LYRM4: variants seen among roughly 807,000 people sequenced by gnomAD.
LYRM4 encodes the protein LYR motif-containing protein 4.
In LYRM4, 9 loss-of-function variants were observed where a neutral mutation model predicts 11.7. That is an observed-to-expected ratio of 0.77 (90% CI 0.46 to 1.34). LYRM4 has a LOEUF of 1.34. LYRM4 is among the 40% of genes most tolerant of loss of function. The pLI is 0.00. For synonymous variants in LYRM4, 42 were observed against 40.4 expected, an observed-to-expected ratio of 1.04 and a Z score of -0.15; for missense variants, 133 against 112.5, an observed-to-expected ratio of 1.18 and a Z score of -0.82.
chr6:5,118,970 T>G (rs1338988947), intron 2 of LYRM4, among the ~76,000 whole-genome samples: 1 of 152,206 alleles, frequency 6.6e-6, no homozygotes, highest in East Asian at 1.9e-4. Context: ...GAGGAGTGCC[T>G]GAAGGGATCA....
Position 5,185,503 on chromosome 6 carries a change from G to C in LYRM4, c.207+31115C>G, listed in dbSNP as rs149767184. On this transcript the variant is annotated intron_variant, in intron 2 of 2. Coordinates refer to ENST00000330636, the MANE Select transcript of LYRM4 (RefSeq NM_020408.6). ...ATACAAACACACACCTACTTCATCC[G>C]AGATGGGCTGCATCAAGTGCACAGT... Among the ~76,000 whole-genome samples, 9 of 152,276 alleles carry C rather than the reference G, an allele frequency of 5.9e-5. No homozygotes were observed. The East Asian group carries it at 1.7e-3, about 29-fold the overall frequency.
At chr6:5,181,065 C>A (rs972312765) in intron 2 of LYRM4, among the ~76,000 whole-genome samples, 6 of 152,116 alleles carry the variant, frequency 3.9e-5, no homozygotes, top group African/African-American at 1.4e-4. Context: ...GAAAGGATCA[C>A]GCCCATTTAA....
chr6:5,254,512 G>A (rs1277720076), intron 1 of LYRM4, among the ~76,000 whole-genome samples: 4 of 152,084 alleles, frequency 2.6e-5, no homozygotes, highest in South Asian at 2.1e-4. Flanking sequence ...GCCCAAAACC[G>A]CAATTACTTT....
the LYRM4 span, among the ~76,000 whole-genome samples, chr6:5,083,356 G>T: frequency 3.3e-3 from 499 of 152,332 alleles, 3 homozygotes; most frequent in African/African-American, 0.011. Flanking sequence ...AGTTGCTGCA[G>T]GAAGACAGGC....
At chr6:5,200,904 C>T (rs1172683536) in intron 2 of LYRM4, among the ~76,000 whole-genome samples, 1 of 152,168 alleles carries the variant, frequency 6.6e-6, no homozygotes, top group Non-Finnish European at 1.5e-5. Context: ...TTTGAAGATA[C>T]CCTCAGAGCC....
chr6:5,118,094 A>ATATTTTTTTTTTTTT, intron 2 of LYRM4, among the ~76,000 whole-genome samples: 1 of 86,114 alleles, frequency 1.2e-5, no homozygotes, highest in African/African-American at 3.9e-5. Context: ...ATATATATAT[A>ATATTTTTTTTTTTTT]TTTTTGTTTT....
intron 1 of LYRM4, among the ~76,000 whole-genome samples, chr6:5,226,665 C>A (rs746022865): frequency 2.3e-4 from 35 of 152,286 alleles, no homozygotes; most frequent in African/African-American, 7.5e-4. Context: ...GCGTGAGCCA[C>A]CGCGCCTGGC....
intron 2 of LYRM4, among the ~76,000 whole-genome samples, chr6:5,149,203 C>A (rs766422394): frequency 2.0e-5 from 3 of 152,146 alleles, no homozygotes; most frequent in Non-Finnish European, 4.4e-5. Context: ...GAAATAGGCA[C>A]TAATGTGGTG....
At chr6:5,097,828 TACG>T in the LYRM4 span, among the ~76,000 whole-genome samples, 4 of 152,220 alleles carry the variant, frequency 2.6e-5, no homozygotes, top group Non-Finnish European at 4.4e-5. Flanking sequence ...TGCACATTGT[TACG>T]ACATCATACA....
intron 1 of LYRM4, among the ~76,000 whole-genome samples, chr6:5,224,383 C>T (rs943995006): frequency 6.6e-6 from 1 of 152,146 alleles, no homozygotes; most frequent in Non-Finnish European, 1.5e-5. Context: ...AAATTACCTG[C>T]AGTTTTTGAA....
intron 1 of LYRM4, among the ~76,000 whole-genome samples, chr6:5,243,876 A>G (rs967151606): frequency 3.3e-5 from 5 of 152,258 alleles, no homozygotes; most frequent in Non-Finnish European, 5.9e-5. Flanking sequence ...AGACATTTCC[A>G]ATGACATGAA....
intron 2 of LYRM4, among the ~76,000 whole-genome samples, chr6:5,147,088 C>T (rs954617631): frequency 3.3e-5 from 5 of 152,140 alleles, no homozygotes; most frequent in Non-Finnish European, 7.3e-5. Context: ...TGGTACCAGG[C>T]CATTGGTATT....
At chr6:5,246,793 C>T (rs1376841673) in intron 1 of LYRM4, among the ~76,000 whole-genome samples, 2 of 151,976 alleles carry the variant, frequency 1.3e-5, no homozygotes, top group Non-Finnish European at 2.9e-5. Context: ...TGGAAGGGCC[C>T]TCACAGGAGG....
At chr6:5,047,635 T>C in the LYRM4 span, among the ~76,000 whole-genome samples, 1 of 152,184 alleles carries the variant, frequency 6.6e-6, no homozygotes, top group East Asian at 1.9e-4. Flanking sequence ...TAAACTCTCA[T>C]ACAATAAGCC....
At chr6:5,219,463 C>G (rs1198901617) in intron 1 of LYRM4, among the ~76,000 whole-genome samples, 1 of 152,228 alleles carries the variant, frequency 6.6e-6, no homozygotes, top group Non-Finnish European at 1.5e-5. Flanking sequence ...CTTTCCTGCT[C>G]TTTCTGCCTC....
At chr6:5,047,338 A>G in the LYRM4 span, among the ~76,000 whole-genome samples, 1 of 152,336 alleles carries the variant, frequency 6.6e-6, no homozygotes, top group East Asian at 1.9e-4. Flanking sequence ...AATATCTATC[A>G]GTCTTTGTCA....
chr6:5,206,692 G>A (rs975895479), intron 2 of LYRM4, among the ~76,000 whole-genome samples: 10 of 152,128 alleles, frequency 6.6e-5, no homozygotes, highest in South Asian at 2.1e-4. Flanking sequence ...TTGAAGAGGC[G>A]GGAGGAGTGG....
intron 1 of LYRM4, among the ~76,000 whole-genome samples, chr6:5,252,819 T>C (rs1351436586): frequency 6.6e-6 from 1 of 151,934 alleles, no homozygotes; most frequent in Non-Finnish European, 1.5e-5. Context: ...CCATCAGGCA[T>C]AAGCATGAGA....
rs911376051 is a variant in LYRM4, at chr6:5,109,588, C to T, written c.208-97G>A. 48 of 1,303,882 alleles carry T rather than the reference C, an allele frequency of 3.7e-5. No homozygotes were observed. In the African/African-American group the frequency reaches 5.9e-4, roughly 16 times the overall value. The allele number at this position is 1,303,882 out of a possible 1,614,324, so 80.8% of individuals were successfully genotyped here. A position where few individuals can be genotyped will look rare whatever the true frequency, so the allele number is the denominator to read the frequency against. On this transcript the variant is annotated intron_variant, in intron 2 of 2. Transcript: ENST00000330636. ...TTCCTAACATTTCTAATACAAACGT[C>T]GGCCATCCCAGGGCTGCTCCCTTCC...
Sources: allele counts gnomAD v4.1 joint callset (sites outside exome capture counted in the v4.1 genomes callset), GRCh38; gene constraint gnomAD v4.1.1; transcripts MANE v1.5; gene names NCBI Gene and HGNC (gene_info 2026-07-23, HGNC 2026-07-21).